Variants in PTGIS observed in about 807,000 individuals in gnomAD.
PTGIS encodes the protein prostacyclin synthase.
In PTGIS, 45 loss-of-function variants were observed where a neutral mutation model predicts 50.3. The observed-to-expected ratio is 0.90, with a 90% CI of 0.70 to 1.15. The LOEUF is 1.15. Ranked by LOEUF, PTGIS falls within the 50% of genes most tolerant of loss-of-function variation. The pLI is 0.00. For synonymous variants in PTGIS, 260 were observed against 267.7 expected (o/e 0.97, Z 0.28); for missense variants, 668 against 661.3 (o/e 1.01, Z -0.11).
chr20:49,525,561 G>C (rs1981771931), intron 5 of PTGIS, among the ~76,000 whole-genome samples: 1 of 151,670 alleles, frequency 6.6e-6, no homozygotes, highest in Non-Finnish European at 1.5e-5. Context: ...ACACTATTTA[G>C]ATATTGTTTT....
intron 3 of PTGIS, among the ~76,000 whole-genome samples, chr20:49,544,956 C>A (rs979609191): frequency 2.0e-5 from 3 of 152,204 alleles, no homozygotes; most frequent in Admixed American, 6.5e-5. Context: ...CTGTGGTGTT[C>A]CCTGACTCAG....
intron 9 of PTGIS, among the ~76,000 whole-genome samples, chr20:49,508,379 G>A (rs535215436): frequency 3.0e-4 from 45 of 152,354 alleles, no homozygotes; most frequent in African/African-American, 9.9e-4. Flanking sequence ...AGCCATGCAG[G>A]CTTCACATTG....
At chr20:49,563,190 G>A (rs1982819299) in intron 1 of PTGIS, among the ~76,000 whole-genome samples, 2 of 152,160 alleles carry the variant, frequency 1.3e-5, no homozygotes, top group South Asian at 2.1e-4. Flanking sequence ...ACAAAAGGGG[G>A]CTTAGTTGCA....
chr20:49,509,755 A>C (rs1429569111), intron 9 of PTGIS, among the ~76,000 whole-genome samples: 1 of 149,128 alleles, frequency 6.7e-6, no homozygotes, highest in South Asian at 2.1e-4. Context: ...AAACTTTACT[A>C]CCATTTTTTT....
chr20:49,566,006 G>A (rs866443303), intron 1 of PTGIS, among the ~76,000 whole-genome samples: 3 of 152,188 alleles, frequency 2.0e-5, no homozygotes, highest in Middle Eastern at 3.2e-3. Context: ...GAGGCAGGCA[G>A]ATCACCTGAG....
chr20:49,538,217 T>C (rs558529276), intron 5 of PTGIS, among the ~76,000 whole-genome samples: 112 of 130,468 alleles, frequency 8.6e-4, no homozygotes, highest in Non-Finnish European at 1.4e-3. Context: ...ATCGCACCAC[T>C]GCACTCCAGC....
At position 49,568,059 on chromosome 20, in the gene PTGIS, TCAGTAG is replaced by T; in HGVS notation, c.52_57del (p.Leu18_Leu19del). 1 of 1,472,314 alleles carries T rather than the reference TCAGTAG, an allele frequency of 6.8e-7. No individual in the cohort carries two copies. The allele number at this position is 1,472,314 out of a possible 1,614,324, so 91.2% of individuals were successfully genotyped here. The stretch of plus-strand genomic sequence containing the variant: ...GACACTCACCGCGTGCGGCGGCGGC[TCAGTAG>T]CAGCAGCAGCAACAGTGCGGCCAGG... On this transcript the variant is annotated inframe_deletion, in exon 1 of 10. Transcript: ENST00000244043.
rs761413065 is a variant in PTGIS, at chr20:49,512,217, G to GTGGA, written c.1206+859_1206+862dup. ...AATGGATGGGTAGATGGGTGAGTAT[G>GTGGA]TGGATGGATGGATGGATGCATGGAT... is the stretch of plus-strand genomic sequence containing the variant. On this transcript the variant is annotated intron_variant, in intron 8 of 9. Transcript: ENST00000244043. 4.6e-5 allele frequency among the ~76,000 whole-genome samples: 7 copies of GTGGA among 151,590 alleles called. No individual in the cohort carries two copies. In the South Asian group the frequency reaches 8.4e-4, roughly 18 times the overall value.
intron 4 of PTGIS, among the ~76,000 whole-genome samples, chr20:49,542,290 C>G (rs935365890): frequency 2.6e-5 from 4 of 152,188 alleles, no homozygotes; most frequent in African/African-American, 9.7e-5. Flanking sequence ...GCACCCCTTT[C>G]ACCTCTGTGT....
chr20:49,514,949 G>A (rs972763596), intron 6 of PTGIS, among the ~76,000 whole-genome samples: 1 of 152,136 alleles, frequency 6.6e-6, no homozygotes, highest in African/African-American at 2.4e-5. Flanking sequence ...CCACTTGCTC[G>A]GCAAGCCCAC....
Position 49,562,392 on chromosome 20 carries a change from G to A in PTGIS, c.74+5651C>T, listed in dbSNP as rs562614480. 7.2e-5 allele frequency among the ~76,000 whole-genome samples: 11 copies of A among 152,246 alleles called. No individual in the cohort carries two copies. In the South Asian group the frequency reaches 2.1e-3, roughly 29 times the overall value. On this transcript the variant is annotated intron_variant, in intron 1 of 9. Transcript: ENST00000244043. ...TTCCCCAGAAAAGTCCCAAGGAGGC[G>A]CAGACAAAGGCAGGAAGCCCGGAGC...
At chr20:49,524,589 A>G (rs1981746927) in intron 5 of PTGIS, among the ~76,000 whole-genome samples, 1 of 152,228 alleles carries the variant, frequency 6.6e-6, no homozygotes, top group Admixed American at 6.5e-5. Flanking sequence ...TGACAAAGAC[A>G]TACTTGAGAC....
intron 9 of PTGIS, 151 bp from the exon 10 acceptor site, chr20:49,508,215 G>T: frequency 1.0e-6 from 1 of 963,762 alleles, no homozygotes; most frequent in Non-Finnish European, 1.6e-6. Context: ...AAACGCATTT[G>T]CTGCTCACCA....
chr20:49,556,829 G>A (rs1982631658), intron 1 of PTGIS, among the ~76,000 whole-genome samples: 1 of 151,050 alleles, frequency 6.6e-6, no homozygotes, highest in African/African-American at 2.4e-5. Flanking sequence ...AATTCTCCTG[G>A]CTCCAAGTCT....
intron 1 of PTGIS, among the ~76,000 whole-genome samples, chr20:49,563,945 C>T (rs1223376911): frequency 6.6e-6 from 1 of 152,120 alleles, no homozygotes; most frequent in Non-Finnish European, 1.5e-5. Flanking sequence ...GAGAGACCAC[C>T]TCCATGAGCC....
chr20:49,530,458 G>C (rs529773655), intron 5 of PTGIS, among the ~76,000 whole-genome samples: 1 of 152,284 alleles, frequency 6.6e-6, no homozygotes. Flanking sequence ...AGGGATTGCT[G>C]GATCATGTGG....
At chr20:49,559,957 G>A (rs1370077537) in intron 1 of PTGIS, among the ~76,000 whole-genome samples, 4 of 150,164 alleles carry the variant, frequency 2.7e-5, no homozygotes, top group African/African-American at 4.9e-5. Context: ...CGGAATCTTG[G>A]TCTGTCGCCA....
rs1011761180 is a variant in PTGIS at position 49,524,311 on chromosome 20, C to T, written c.674-72G>A. ...CACACCCAGGGCTGGCCAGGCATGA[C>T]CTCCCATGAGGCCAAGGGTCTTCTG... On this transcript the variant is annotated intron_variant, in intron 5 of 9. Transcript: ENST00000244043. 5.8e-6 allele frequency: 9 copies of T among 1,552,232 alleles called. No individual in the cohort carries two copies. In the Admixed American group the frequency reaches 6.8e-5, roughly 12 times the overall value.
In PTGIS at chr20:49,510,933, A is replaced by G; in HGVS notation, c.1358+95T>C. ...GTCCATGTGAAGCCTCTGCCAAACCATTCTCCTGGCTGAGCCCTCAGTCCC... is the reference window on the plus strand; with the variant it reads ...GTCCATGTGAAGCCTCTGCCAAACCGTTCTCCTGGCTGAGCCCTCAGTCCC... On this transcript the variant is annotated intron_variant, in intron 9 of 9. Transcript: ENST00000244043. The G allele has an allele frequency of 2.4e-6, 3 of 1,240,324 alleles. No homozygotes were observed. In the South Asian group the frequency reaches 3.7e-5, roughly 15 times the overall value. The allele number at this position is 1,240,324 out of a possible 1,614,324, so 76.8% of individuals were successfully genotyped here.
Sources: allele counts gnomAD v4.1 joint callset (sites outside exome capture counted in the v4.1 genomes callset), GRCh38; gene constraint gnomAD v4.1.1; transcripts MANE v1.5; gene names NCBI Gene and HGNC (gene_info 2026-07-23, HGNC 2026-07-21).